Variants in SLCO3A1 observed in about 807,000 individuals in gnomAD.
SLCO3A1 encodes the protein PGE1 transporter.
SLCO3A1 carries 27 observed loss-of-function variants against 63.1 expected under a neutral mutation model. The observed-to-expected ratio is 0.43, with a 90% CI of 0.32 to 0.59. The LOEUF is 0.59. Among genes scored for constraint, SLCO3A1 ranks in the 20% least tolerant of loss-of-function variants. The probability of loss-of-function intolerance (pLI) is 0.09; values close to 1 mark genes in which losing one functional copy is unlikely to be tolerated. For synonymous variants in SLCO3A1, 473 were observed against 409.9 expected, an observed-to-expected ratio of 1.15 and a Z score of -1.86; for missense variants, 773 against 945.8, an observed-to-expected ratio of 0.82 and a Z score of 2.40.
Position 92,126,117 on chromosome 15 carries a change from A to G in SLCO3A1, c.1231A>G (p.Lys411Glu). 1 of 1,613,428 alleles carries G rather than the reference A, an allele frequency of 6.2e-7. No individual in the cohort carries two copies. The highest frequency in any genetic ancestry group is 8.5e-7 in the Non-Finnish European group (1 of 1,179,880). The change falls in exon 6 of 10, where the codon AAG becomes GAG. Residue 411 changes from lysine to glutamate, a missense_variant. By Grantham distance (56) the Lys-to-Glu change is moderately conservative (BLOSUM62 1). Transcript: ENST00000318445. ...LGIFLGGLLV[K>E]KLSLSALGAI... ...TATCTTCCTGGGAGGTCTTTTGGTG[A>G]AGAAGCTCAGCCTGTCTGCCCTGGG... is the stretch of plus-strand genomic sequence containing the variant.
At chr15:92,113,619 C>T (rs2047756348) in intron 4 of SLCO3A1, among the ~76,000 whole-genome samples, 1 of 152,120 alleles carries the variant, frequency 6.6e-6, no homozygotes, top group Non-Finnish European at 1.5e-5. Context: ...CCTCAATAGC[C>T]CAGGGCAGAG....
intron 2 of SLCO3A1, among the ~76,000 whole-genome samples, chr15:91,960,587 G>A (rs1900408880): frequency 6.6e-6 from 1 of 152,150 alleles, no homozygotes; most frequent in Non-Finnish European, 1.5e-5. Flanking sequence ...CATATTTTGA[G>A]AGAGCTATTT....
intron 2 of SLCO3A1, among the ~76,000 whole-genome samples, chr15:91,973,853 T>C (rs1012873097): frequency 2.0e-5 from 3 of 152,100 alleles, no homozygotes; most frequent in Non-Finnish European, 4.4e-5. Context: ...GTGGTTTGAG[T>C]TGGGAGCATG....
chr15:92,129,751 T>G (rs531620980), intron 7 of SLCO3A1, among the ~76,000 whole-genome samples: 19 of 152,336 alleles, frequency 1.2e-4, no homozygotes, highest in African/African-American at 4.1e-4. Context: ...GAGCAGCAAT[T>G]TCTCTGAAAG....
chr15:91,901,938 TG>T (rs945711161), intron 1 of SLCO3A1, among the ~76,000 whole-genome samples: 14 of 152,230 alleles, frequency 9.2e-5, no homozygotes, highest in Non-Finnish European at 1.2e-4. Context: ...TTTTTCTTTA[TG>T]GGACTCTATT....
In SLCO3A1 at chr15:91,883,746, A is replaced by G. The variant is rs982745618; in HGVS notation, c.180+29658A>G. Among the ~76,000 whole-genome samples, 1 of 152,194 alleles carries G rather than the reference A, an allele frequency of 6.6e-6. No homozygotes were observed. The highest frequency in any genetic ancestry group is 6.5e-5 in the Admixed American group (1 of 15,290). ...GGTTCCAAGTATTTTTTGAAGTAGA[A>G]GTGTGTTTGTAATATCCTACTTACC... On this transcript the variant is annotated intron_variant, in intron 1 of 9. Transcript: ENST00000318445. This position sits in a 1 kb window ranked among gnomAD's most constrained non-coding sequence, Gnocchi z 4.8.
intron 2 of SLCO3A1, among the ~76,000 whole-genome samples, chr15:91,960,519 C>T (rs1433641409): frequency 1.3e-5 from 2 of 152,218 alleles, no homozygotes; most frequent in East Asian, 1.9e-4. Flanking sequence ...GATGCCTTCT[C>T]TCTGTGGTGT....
intron 2 of SLCO3A1, among the ~76,000 whole-genome samples, chr15:91,993,358 C>T (rs2046151148): frequency 6.6e-6 from 1 of 152,148 alleles, no homozygotes; most frequent in Non-Finnish European, 1.5e-5. Context: ...AGTTACCACT[C>T]CAGACACCTT....
At chr15:92,074,734 A>G (rs1385037791) in intron 2 of SLCO3A1, among the ~76,000 whole-genome samples, 2 of 151,492 alleles carry the variant, frequency 1.3e-5, no homozygotes, top group East Asian at 3.9e-4. Context: ...TAAGCAACTC[A>G]TGTTGATTCA....
At chr15:91,893,679 T>C (rs572517415) in intron 1 of SLCO3A1, among the ~76,000 whole-genome samples, 5 of 152,228 alleles carry the variant, frequency 3.3e-5, no homozygotes, top group Admixed American at 6.5e-5. Context: ...GTACAGTCTT[T>C]TATCAGCATT....
Position 91,872,351 on chromosome 15 carries a change from T to G in SLCO3A1, c.180+18263T>G, listed in dbSNP as rs1333360511. ...TTCGAGACCAGCCTGGCCAACGTGG[T>G]GAAACCCCTTCTCTACTAAAAATAC... On this transcript the variant is annotated intron_variant, in intron 1 of 9. Transcript: ENST00000318445. The surrounding 1 kb of genome is among the most constrained non-coding windows in gnomAD (Gnocchi z 4.1). Among the ~76,000 whole-genome samples the G allele has an allele frequency of 6.6e-6, 1 of 151,990 alleles. No homozygotes were observed.
At chr15:92,147,318 A>ATGTT (rs767363707) in intron 8 of SLCO3A1, among the ~76,000 whole-genome samples, 159 bp downstream of exon 8, 3 of 151,832 alleles carry the variant, frequency 2.0e-5, no homozygotes, top group East Asian at 3.9e-4. Flanking sequence ...GGAATCAATT[A>ATGTT]TGTTTGATAG....
intron 4 of SLCO3A1, among the ~76,000 whole-genome samples, chr15:92,116,325 T>C (rs1353738840): frequency 1.3e-5 from 2 of 152,348 alleles, no homozygotes; most frequent in Non-Finnish European, 2.9e-5. Context: ...TACAGGAATC[T>C]CTTAAAGACT....
At chr15:92,050,396 T>A (rs55748417) in intron 2 of SLCO3A1, among the ~76,000 whole-genome samples, 4,037 of 152,258 alleles carry the variant, frequency 0.027, 165 homozygotes, top group African/African-American at 0.092. Context: ...ATTTTCAGAC[T>A]TGTCTGAGCA....
At chr15:92,069,832 C>T (rs1205135480) in intron 2 of SLCO3A1, among the ~76,000 whole-genome samples, 2 of 152,326 alleles carry the variant, frequency 1.3e-5, no homozygotes, top group East Asian at 3.9e-4. Context: ...TGAGAACCCA[C>T]CCAGGCGACA....
intron 2 of SLCO3A1, among the ~76,000 whole-genome samples, chr15:91,986,521 A>C (rs553632146): frequency 6.6e-6 from 1 of 152,234 alleles, no homozygotes; most frequent in South Asian, 2.1e-4. Context: ...ATGTTGACCT[A>C]ATAGAGCCAA....
chr15:92,116,067 TCA>T (rs1447645091), intron 4 of SLCO3A1, among the ~76,000 whole-genome samples: 2 of 152,270 alleles, frequency 1.3e-5, no homozygotes, highest in East Asian at 3.9e-4. Context: ...TACCAGGGTT[TCA>T]GTTTCTGCTG....
chr15:92,142,376 C>A (rs930177481), intron 7 of SLCO3A1, among the ~76,000 whole-genome samples: 2 of 152,200 alleles, frequency 1.3e-5, no homozygotes, highest in Non-Finnish European at 2.9e-5. Context: ...GATCTGACAT[C>A]TGATGAAGGC....
intron 2 of SLCO3A1, among the ~76,000 whole-genome samples, chr15:92,045,679 A>T (rs1160055055): frequency 6.6e-6 from 1 of 152,100 alleles, no homozygotes; most frequent in Non-Finnish European, 1.5e-5. Context: ...CCTATTTCCT[A>T]TCTCTAGTCA....
Sources: allele counts gnomAD v4.1 joint callset (sites outside exome capture counted in the v4.1 genomes callset), GRCh38; gene constraint gnomAD v4.1.1; non-coding constraint Gnocchi (gnomAD v3.1); transcripts MANE v1.5; gene names NCBI Gene and HGNC (gene_info 2026-07-23, HGNC 2026-07-21).